ACER3: variants seen among roughly 807,000 people sequenced by gnomAD.
ACER3 encodes alkaline ceramidase 3, also known as alkCDase 3.
Under a neutral mutation model 48.9 loss-of-function variants are expected in ACER3, and 16 were observed. The observed-to-expected ratio is 0.33, with a 90% CI of 0.22 to 0.50. ACER3 has a LOEUF of 0.50. Ranked by LOEUF, ACER3 falls within the 20% of genes least tolerant of loss-of-function variation. The probability of loss-of-function intolerance (pLI) is 0.98; values close to 1 mark genes in which losing one functional copy is unlikely to be tolerated. For synonymous variants in ACER3, 109 were observed against 107.8 expected (o/e 1.01, Z -0.07); for missense variants, 227 against 326.0 (o/e 0.70, Z 2.34).
intron 1 of ACER3, among the ~76,000 whole-genome samples, chr11:76,892,772 T>C (rs1258939102): frequency 6.6e-6 from 1 of 152,152 alleles, no homozygotes; most frequent in Non-Finnish European, 1.5e-5. Flanking sequence ...GTTTAAGAAA[T>C]TAAGTTAAAT....
chr11:76,872,272 C>T (rs533054041), intron 1 of ACER3, among the ~76,000 whole-genome samples: 4 of 152,186 alleles, frequency 2.6e-5, no homozygotes, highest in Admixed American at 6.5e-5. Flanking sequence ...GACAGTGTTT[C>T]ACCATGTTGG....
chr11:76,875,107 CTTTTTTTTTTTTTTT>C (rs10676364), intron 1 of ACER3, among the ~76,000 whole-genome samples: 2 of 78,098 alleles, frequency 2.6e-5, no homozygotes, highest in Non-Finnish European at 5.4e-5. Flanking sequence ...AAAAGCACTT[CTTTTTTTTTTTTTTT>C]TTTTTTTTTT....
At chr11:77,012,656 G>A (rs972731878) in intron 7 of ACER3, among the ~76,000 whole-genome samples, 1 of 152,018 alleles carries the variant, frequency 6.6e-6, no homozygotes, top group Admixed American at 6.6e-5. Flanking sequence ...TTTTTGTTGA[G>A]AGAAATTGAA....
At chr11:76,954,949 CA>C (rs1947796998) in intron 2 of ACER3, among the ~76,000 whole-genome samples, 1 of 152,108 alleles carries the variant, frequency 6.6e-6, no homozygotes, top group Non-Finnish European at 1.5e-5. Flanking sequence ...AGACAGGAAC[CA>C]TATTTCTCTT....
chr11:76,981,167 C>T (rs960344956), intron 4 of ACER3, among the ~76,000 whole-genome samples: 3 of 152,290 alleles, frequency 2.0e-5, no homozygotes, highest in African/African-American at 7.2e-5. Context: ...TTGCTACCAC[C>T]TCAGAGTATA....
chr11:77,026,114 T>C lies in ACER3; in HGVS notation c.*5787T>C, dbSNP rs188611763. On this transcript the variant is annotated 3_prime_UTR_variant, in exon 11 of 11. Coordinates refer to ENST00000532485, the MANE Select transcript of ACER3 (RefSeq NM_018367.7). Reference sequence around the variant, plus strand: ...GTTTTCAATATAAAGGGAATTCCATTCTATACTGTAAAATCCAAAAATGCT... The same window carrying C: ...GTTTTCAATATAAAGGGAATTCCATCCTATACTGTAAAATCCAAAAATGCT... 1 of 152,348 alleles carries C rather than the reference T, an allele frequency of 6.6e-6. No individual in the cohort carries two copies. The highest frequency in any genetic ancestry group is 1.9e-4 in the East Asian group (1 of 5,190). The allele number at this position is 152,348 out of a possible 1,614,324, so 9.4% of individuals were successfully genotyped here.
intron 3 of ACER3, among the ~76,000 whole-genome samples, chr11:76,972,545 ACTTT>A (rs752539681): frequency 3.3e-5 from 5 of 151,044 alleles, no homozygotes; most frequent in Non-Finnish European, 7.4e-5. Context: ...TTTTCTTTTC[ACTTT>A]CTTTTTTTTA....
chr11:76,925,015 A>G (rs1274653338), intron 1 of ACER3, among the ~76,000 whole-genome samples: 2 of 150,864 alleles, frequency 1.3e-5, no homozygotes, highest in East Asian at 3.9e-4. Flanking sequence ...TGTCTACAGC[A>G]AATACATAGG....
rs398016733 is a variant in ACER3, at chr11:76,952,668, C to CTT, written c.215-6295_215-6294dup. Among the ~76,000 whole-genome samples the CTT allele has an allele frequency of 1.8e-3, 234 of 132,998 alleles. 7 individuals carry two copies. The highest frequency in any genetic ancestry group is 4.0e-3 in the Middle Eastern group (1 of 250). 87.3% of individuals were successfully genotyped at this position (132,998 alleles called of 152,430 possible). ...TGGCTATAGAAGTTACGTAAGATTT[C>CTT]TTTTTTTTTTTTTTTTTAGACAGAG... On this transcript the variant is annotated intron_variant, in intron 2 of 10. Coordinates refer to ENST00000532485, the MANE Select transcript of ACER3 (RefSeq NM_018367.7).
chr11:76,975,902 C>G (rs531337674), intron 3 of ACER3, among the ~76,000 whole-genome samples: 1 of 96,256 alleles, frequency 1.0e-5, no homozygotes, highest in South Asian at 3.1e-4. Flanking sequence ...TTTTTTGAGA[C>G]AGGGTCTTGC....
intron 9 of ACER3, among the ~76,000 whole-genome samples, chr11:77,018,863 A>G (rs1850544): frequency 0.71 from 108,253 of 152,170 alleles, 38,903 homozygotes; most frequent in Non-Finnish European, 0.77. Context: ...CTTAAGGAAA[A>G]AAGCCATCTC....
At chr11:76,885,881 G>A (rs1365682665) in intron 1 of ACER3, among the ~76,000 whole-genome samples, 4 of 152,144 alleles carry the variant, frequency 2.6e-5, no homozygotes, top group South Asian at 2.1e-4. Flanking sequence ...ATGCCAAAGC[G>A]TAAAATACAG....
Position 77,022,580 on chromosome 11 carries a change from C to T in ACER3, c.*2253C>T, listed in dbSNP as rs1565233644. 6.6e-6 allele frequency: 1 copy of T among 152,120 alleles called. No individual in the cohort carries two copies. Among genetic ancestry groups the T allele is most frequent in the Non-Finnish European group, 1.5e-5 (1 of 68,038 alleles). The allele number at this position is 152,120 out of a possible 1,614,324, so 9.4% of individuals were successfully genotyped here. A position where few individuals can be genotyped will look rare whatever the true frequency, so the allele number is the denominator to read the frequency against. On this transcript the variant is annotated 3_prime_UTR_variant, in exon 11 of 11. Coordinates refer to ENST00000532485, the MANE Select transcript of ACER3 (RefSeq NM_018367.7). The stretch of plus-strand genomic sequence containing the variant: ...GCATTTTATGGAAATCACTGGTGAC[C>T]TATAGGATATTACTAAATTATTTCA...
At chr11:76,912,284 A>C (rs935333869) in intron 1 of ACER3, among the ~76,000 whole-genome samples, 1 of 152,124 alleles carries the variant, frequency 6.6e-6, no homozygotes, top group Admixed American at 6.6e-5. Flanking sequence ...GAAGCATGAC[A>C]CAATTTTTCC....
intron 3 of ACER3, among the ~76,000 whole-genome samples, chr11:76,960,366 G>T (rs188263868): frequency 1.3e-5 from 2 of 151,844 alleles, no homozygotes; most frequent in African/African-American, 4.8e-5. Context: ...CCAAGATCAC[G>T]CCACTGCACT....
intron 4 of ACER3, among the ~76,000 whole-genome samples, chr11:76,976,866 C>T (rs562787776): frequency 6.6e-6 from 1 of 152,278 alleles, no homozygotes; most frequent in South Asian, 2.1e-4. Context: ...AATATGGAAA[C>T]AGCTTACAGG....
intron 2 of ACER3, among the ~76,000 whole-genome samples, chr11:76,951,808 T>C (rs897066900): frequency 2.0e-5 from 3 of 152,252 alleles, no homozygotes; most frequent in African/African-American, 7.2e-5. Context: ...AAGTGGTCTT[T>C]GGCTTTTCAT....
chr11:76,875,378 C>T (rs1203859252), intron 1 of ACER3, among the ~76,000 whole-genome samples: 1 of 151,960 alleles, frequency 6.6e-6, no homozygotes, highest in East Asian at 1.9e-4. Context: ...TCCCAAAGTG[C>T]TGGGATTACA....
chr11:76,990,694 A>G, intron 6 of ACER3, 120 bp downstream of exon 6: 1 of 663,270 alleles, frequency 1.5e-6, no homozygotes, highest in East Asian at 2.8e-5. Flanking sequence ...TAGATGTTCT[A>G]AGGAAGTTCA....
Sources: gnomAD v4.1 joint callset for allele counts (sites outside exome capture counted in the v4.1 genomes callset) on GRCh38, gnomAD v4.1.1 for gene constraint, MANE v1.5 for transcripts, NCBI Gene and HGNC (gene_info 2026-07-23, HGNC 2026-07-21) for gene names.